The following CCND3 variants were observed in gnomAD, a reference collection of about 807,000 sequenced individuals.
The protein encoded by CCND3 is G1/S-specific cyclin-D3.
In CCND3, 9 loss-of-function variants were observed where a neutral mutation model predicts 28.7. The ratio of observed to expected loss-of-function variants is 0.31; its 90% confidence interval spans 0.19 to 0.55. The LOEUF is 0.55. CCND3 is among the 20% of genes least tolerant of loss of function. The pLI is 0.93. For synonymous variants in CCND3, 164 were observed against 163.9 expected (o/e 1.00, Z 0.00); for missense variants, 315 against 385.8 (o/e 0.82, Z 1.54).
chr6:41,993,730 C>A (rs1445564829), intron 1 of CCND3, among the ~76,000 whole-genome samples: 2 of 151,588 alleles, frequency 1.3e-5, no homozygotes, highest in African/African-American at 4.8e-5. Flanking sequence ...TGAGACCAGC[C>A]TGGCCAACAT....
At chr6:41,974,824 G>T (rs1762130179) in intron 1 of CCND3, among the ~76,000 whole-genome samples, 1 of 122,470 alleles carries the variant, frequency 8.2e-6, no homozygotes, top group Admixed American at 1.1e-4. Context: ...ACGGAGTCTA[G>T]CCCTGTTGCC....
At chr6:42,012,868 G>C (rs1763380660) in intron 1 of CCND3, among the ~76,000 whole-genome samples, 2 of 152,130 alleles carry the variant, frequency 1.3e-5, no homozygotes, top group South Asian at 4.1e-4. Flanking sequence ...GATGAATCCA[G>C]GCTCTTCTTA....
At chr6:42,004,212 C>T (rs1763115239) in intron 1 of CCND3, among the ~76,000 whole-genome samples, 1 of 151,538 alleles carries the variant, frequency 6.6e-6, no homozygotes, top group Admixed American at 6.6e-5. Flanking sequence ...TCTCATCCCT[C>T]ACTCAGCCTC....
In CCND3 at chr6:41,936,481, G is replaced by T; in HGVS notation, c.711+78C>A. 6.5e-7 allele frequency: 1 copy of T among 1,529,982 alleles called. No homozygotes were observed. Among genetic ancestry groups the T allele is most frequent in the East Asian group, 2.3e-5 (1 of 44,126 alleles). The allele number at this position is 1,529,982 out of a possible 1,614,324, so 94.8% of individuals were successfully genotyped here. A position where few individuals can be genotyped will look rare whatever the true frequency, so the allele number is the denominator to read the frequency against. On this transcript the variant is annotated intron_variant, in intron 4 of 4. Transcript: ENST00000372991. This position sits in a 1 kb window ranked among gnomAD's most constrained non-coding sequence, Gnocchi z 4.4. Reference sequence around the variant, plus strand: ...ACTTGGGACCAGGTTGGGGTTGGAGGTTTCCCTCTACTGGAGGCTCAGGGC... The same window carrying T: ...ACTTGGGACCAGGTTGGGGTTGGAGTTTTCCCTCTACTGGAGGCTCAGGGC...
In CCND3 at chr6:42,027,562, C is replaced by T. The variant is rs549902505; in HGVS notation, c.-46+20939G>A. Among the ~76,000 whole-genome samples, 121 of 152,202 alleles carry T rather than the reference C, an allele frequency of 7.9e-4. 1 individual carries two copies. In the South Asian group the frequency reaches 0.011, roughly 14 times the overall value. ...CCTCGAACTGACCATTTCTCAATTG[C>T]GTATCTCCTTCCCTGCTCAGGAAAC... is the stretch of plus-strand genomic sequence containing the variant. On this transcript the variant is annotated intron_variant, in intron 1 of 4. Transcript: ENST00000372988.
At chr6:41,996,854 A>T (rs185456027) in intron 1 of CCND3, among the ~76,000 whole-genome samples, 6 of 151,702 alleles carry the variant, frequency 4.0e-5, no homozygotes, top group African/African-American at 1.4e-4. Context: ...TAGTAGAGAC[A>T]GGATTTCACC....
chr6:41,992,283 C>T (rs1378292474), intron 1 of CCND3, among the ~76,000 whole-genome samples: 1 of 152,090 alleles, frequency 6.6e-6, no homozygotes, highest in Non-Finnish European at 1.5e-5. Flanking sequence ...ATGCCTCAGC[C>T]TCCCAAGTAG....
chr6:42,036,403 A>ATATATATATATATT (rs57619585), intron 1 of CCND3, among the ~76,000 whole-genome samples: 1 of 31,320 alleles, frequency 3.2e-5, no homozygotes. Flanking sequence ...ATATATATAT[A>ATATATATATATATT]TTTTTTTTTT....
chr6:41,957,177 C>T (rs1270710755), intron 1 of CCND3, among the ~76,000 whole-genome samples: 1 of 152,208 alleles, frequency 6.6e-6, no homozygotes, highest in Non-Finnish European at 1.5e-5. Context: ...GTTGCAAAAG[C>T]CTCCCAGAGA....
intron 1 of CCND3, among the ~76,000 whole-genome samples, chr6:41,976,014 G>A (rs577396054): frequency 6.6e-6 from 1 of 151,988 alleles, no homozygotes; most frequent in African/African-American, 2.4e-5. Context: ...GACCAAGCCT[G>A]GGCAACATAC....
intron 1 of CCND3, among the ~76,000 whole-genome samples, chr6:41,994,345 C>T (rs546399039): frequency 5.9e-5 from 9 of 152,144 alleles, no homozygotes; most frequent in Admixed American, 2.0e-4. Flanking sequence ...GACAACATCA[C>T]CTGACAACTC....
Position 41,940,591 on chromosome 6 carries a change from G to T in CCND3, c.199-6C>A, listed in dbSNP as rs1234281805. 1 of 1,609,864 alleles carries T rather than the reference G, an allele frequency of 6.2e-7. No homozygotes were observed. Among genetic ancestry groups the T allele is most frequent in the African/African-American group, 1.3e-5 (1 of 74,774 alleles). On this transcript the variant is annotated splice_polypyrimidine_tract_variant and splice_region_variant and intron_variant, in intron 1 of 4. Transcript: ENST00000372991. ...CAGCGCTGCTCCTCACATACCTGGG[G>T]GAGGGCGCACAGTCACTGCTGGGTC...
intron 1 of CCND3, among the ~76,000 whole-genome samples, chr6:42,047,733 A>C (rs910170780): frequency 1.3e-5 from 2 of 152,194 alleles, no homozygotes; most frequent in African/African-American, 4.8e-5. Flanking sequence ...TCCAGTGTCC[A>C]ACACCACAGC....
Position 42,048,863 on chromosome 6 carries a change from CG to C in CCND3, c.-409del, listed in dbSNP as rs1764630338. 1 of 310,248 alleles carries C rather than the reference CG, an allele frequency of 3.2e-6. No individual in the cohort carries two copies. Among genetic ancestry groups the C allele is most frequent in the South Asian group, 2.5e-5 (1 of 40,390 alleles). The allele number at this position is 310,248 out of a possible 1,614,324, so 19.2% of individuals were successfully genotyped here. ...AGGCTCATCCGGCGCCGCGCACCCC[CG>C]CCCGCAGCCCCCGCCCCACGCGGCA... is the stretch of plus-strand genomic sequence containing the variant. On this transcript the variant is annotated 5_prime_UTR_variant, in exon 1 of 5. Transcript: ENST00000372988. The surrounding 1 kb of genome is among the most constrained non-coding windows in gnomAD (Gnocchi z 4.7).
chr6:41,973,759 T>C (rs1479445579), intron 1 of CCND3, among the ~76,000 whole-genome samples: 1 of 152,238 alleles, frequency 6.6e-6, no homozygotes, highest in Non-Finnish European at 1.5e-5. Flanking sequence ...CACTTTCTAA[T>C]AGCTGTACAA....
intron 1 of CCND3, among the ~76,000 whole-genome samples, chr6:41,973,964 C>G (rs1561968113): frequency 6.6e-6 from 1 of 152,182 alleles, no homozygotes; most frequent in Non-Finnish European, 1.5e-5. Flanking sequence ...GGGTGGATCA[C>G]CTGAGGTCAA....
chr6:41,948,341 TTG>T (rs1776220404), intron 1 of CCND3, among the ~76,000 whole-genome samples: 2 of 116,692 alleles, frequency 1.7e-5, no homozygotes, highest in Admixed American at 8.9e-5. Context: ...TTGTTTTTTT[TTG>T]TTTTTTTTTT....
intron 1 of CCND3, among the ~76,000 whole-genome samples, chr6:42,002,825 G>T (rs1210525922): frequency 1.3e-5 from 2 of 151,838 alleles, no homozygotes; most frequent in Non-Finnish European, 2.9e-5. Flanking sequence ...CTGCACTCCA[G>T]CCTGGGCAAC....
chr6:41,947,142 A>T (rs1302692730), intron 1 of CCND3, among the ~76,000 whole-genome samples: 3 of 151,228 alleles, frequency 2.0e-5, no homozygotes, highest in African/African-American at 7.3e-5. Flanking sequence ...AATCGCTTGA[A>T]CCCACCAGGT....
Sources: gnomAD v4.1 joint callset for allele counts (sites outside exome capture counted in the v4.1 genomes callset) on GRCh38, gnomAD v4.1.1 for gene constraint, Gnocchi (gnomAD v3.1) non-coding constraint, MANE v1.5 for transcripts, NCBI Gene and HGNC (gene_info 2026-07-23, HGNC 2026-07-21) for gene names.